NEK9: variants seen among roughly 807,000 people sequenced by gnomAD.
The protein encoded by NEK9 is serine/threonine-protein kinase Nek9.
A neutral mutation model predicts 123.4 loss-of-function variants in NEK9; 75 were observed. The ratio of observed to expected loss-of-function variants is 0.61; its 90% CI spans 0.50 to 0.74. The LOEUF is 0.74. Ranked by LOEUF, NEK9 falls within the 30% of genes least tolerant of loss-of-function variation. NEK9 has a pLI of 0.00. For synonymous variants in NEK9, 438 were observed against 458.7 expected, an observed-to-expected ratio of 0.95 and a Z score of 0.58; for missense variants, 952 against 1,214.4, an observed-to-expected ratio of 0.78 and a Z score of 3.21.
At chr14:75,088,969 T>C (rs1463943346) in intron 19 of NEK9, among the ~76,000 whole-genome samples, 1 of 152,248 alleles carries the variant, frequency 6.6e-6, no homozygotes, top group Non-Finnish European at 1.5e-5. Context: ...TGCTGAAAGC[T>C]GAGGCTAAAG....
chr14:75,112,483 G>A (rs1280417601), intron 8 of NEK9, among the ~76,000 whole-genome samples: 2 of 152,164 alleles, frequency 1.3e-5, no homozygotes, highest in Non-Finnish European at 2.9e-5. Flanking sequence ...TGTACCTGAA[G>A]AGGATTCCTC....
At chr14:75,103,757 T>C in intron 14 of NEK9, 85 bp downstream of exon 14, 1 of 1,422,958 alleles carries the variant, frequency 7.0e-7, no homozygotes, top group Non-Finnish European at 9.5e-7. Context: ...AATTCCATGG[T>C]CACTAACCAA....
At chr14:75,094,259 TTTGA>T (rs1410784661) in intron 18 of NEK9, among the ~76,000 whole-genome samples, 2 of 152,196 alleles carry the variant, frequency 1.3e-5, no homozygotes, top group African/African-American at 4.8e-5. Context: ...GTTTAATCTG[TTTGA>T]TTGACCGATT....
intron 20 of NEK9, 114 bp from the exon 21 acceptor site, chr14:75,087,344 T>C (rs1304962780): frequency 1.4e-6 from 1 of 697,766 alleles, no homozygotes; most frequent in African/African-American, 1.8e-5. Context: ...AGATAAATCA[T>C]ATATACACAT....
intron 18 of NEK9, among the ~76,000 whole-genome samples, chr14:75,091,864 A>T (rs927366171): frequency 2.6e-5 from 4 of 152,220 alleles, no homozygotes; most frequent in African/African-American, 9.7e-5. Context: ...TCCTCCATAG[A>T]CACTTATCTT....
chr14:75,116,705 G>A, intron 6 of NEK9: 1 of 173,210 alleles, frequency 5.8e-6, no homozygotes. Context: ...TTGGCTTACT[G>A]CAGTCTCCAC....
At chr14:75,106,049 G>T in intron 12 of NEK9, 53 bp from the exon 13 acceptor site, 5 of 1,485,966 alleles carry the variant, frequency 3.4e-6, no homozygotes, top group South Asian at 1.1e-5. Flanking sequence ...CCTTCCCAGT[G>T]AATAGGTTCT....
At position 75,097,248 on chromosome 14, in the gene NEK9, G is replaced by A; in HGVS notation, c.2025C>T (p.Gly675=). Reference sequence around the variant, plus strand: ...TTGCCAGGCGGCCATTACCACCATTGCCCCAGGCAAAAATGTGATTATCTA... The same window carrying A: ...TTGCCAGGCGGCCATTACCACCATTACCCCAGGCAAAAATGTGATTATCTA... ...ATDDNHIFAW[G]NGGNGRLAMT... Residue 675 remains glycine, a synonymous_variant, in exon 17 of 22, where the codon GGC becomes GGT. Coordinates refer to ENST00000238616, the MANE Select transcript of NEK9 (RefSeq NM_033116.6). The A allele has an allele frequency of 3.1e-6, 5 of 1,603,034 alleles. No homozygotes were observed. The highest frequency in any genetic ancestry group is 3.4e-6 in the Non-Finnish European group (4 of 1,174,726).
intron 20 of NEK9, among the ~76,000 whole-genome samples, 174 bp from the exon 21 acceptor site, chr14:75,087,404 A>G (rs913807751): frequency 1.3e-5 from 2 of 152,250 alleles, no homozygotes; most frequent in Admixed American, 1.3e-4. Context: ...AGCGATGGGC[A>G]CTGACATAAC....
chr14:75,109,150 G>A (rs1566653171), intron 10 of NEK9, among the ~76,000 whole-genome samples: 1 of 152,204 alleles, frequency 6.6e-6, no homozygotes, highest in Non-Finnish European at 1.5e-5. Context: ...TGAAGAGAGA[G>A]TGGGAGATAA....
intron 21 of NEK9, among the ~76,000 whole-genome samples, chr14:75,086,086 G>A (rs1894014285): frequency 6.6e-6 from 1 of 151,878 alleles, no homozygotes; most frequent in Non-Finnish European, 1.5e-5. Flanking sequence ...CTACTCGGGA[G>A]GCTGAGGCAG....
At position 75,088,364 on chromosome 14, in the gene NEK9, A is replaced by T. The variant is rs1421968263; in HGVS notation, c.2604+116T>A. 4.2e-6 allele frequency: 4 copies of T among 960,092 alleles called. No individual in the cohort carries two copies. In the African/African-American group the frequency reaches 4.9e-5, roughly 12 times the overall value. The allele number at this position is 960,092 out of a possible 1,614,324, so 59.5% of individuals were successfully genotyped here. A position where few individuals can be genotyped will look rare whatever the true frequency, so the allele number is the denominator to read the frequency against. On this transcript the variant is annotated intron_variant, in intron 20 of 21. Coordinates refer to ENST00000238616, the MANE Select transcript of NEK9 (RefSeq NM_033116.6). ...TTAAGTACTGCTGAATAGACAGTATAATGAGTTGATGCAGGGCAGCTGAAA... is the reference window on the plus strand; with the variant it reads ...TTAAGTACTGCTGAATAGACAGTATTATGAGTTGATGCAGGGCAGCTGAAA...
At chr14:75,099,734 A>G (rs1370124619) in intron 16 of NEK9, among the ~76,000 whole-genome samples, 3 of 149,194 alleles carry the variant, frequency 2.0e-5, no homozygotes, top group African/African-American at 4.9e-5. Context: ...GTGAGCTGAG[A>G]TCGCGCCACT....
Position 75,114,320 on chromosome 14 carries a change from GA to G in NEK9, c.763-8del. 2 of 1,601,960 alleles carry G rather than the reference GA, an allele frequency of 1.2e-6. No homozygotes were observed. Among genetic ancestry groups the G allele is most frequent in the Non-Finnish European group, 1.7e-6 (2 of 1,169,010 alleles). Reference sequence around the variant, plus strand: ...CACACAGGTTAAGTGGGTTCTATGAGAAAATGATGACTGCATTGTTCCTGGT... The same window carrying G: ...CACACAGGTTAAGTGGGTTCTATGAGAAATGATGACTGCATTGTTCCTGGT... On this transcript the variant is annotated splice_region_variant and splice_polypyrimidine_tract_variant and intron_variant, in intron 6 of 21. Transcript: ENST00000238616.
chr14:75,100,099 AGGCTGGGC>A (rs967805567), intron 16 of NEK9, among the ~76,000 whole-genome samples: 3 of 121,608 alleles, frequency 2.5e-5, no homozygotes, highest in Non-Finnish European at 4.9e-5. Flanking sequence ...ATTGTACTCT[AGGCTGGGC>A]AATAGAGCAA....
intron 18 of NEK9, 33 bp from the exon 19 acceptor site, chr14:75,091,511 T>C (rs746878642): frequency 3.4e-6 from 5 of 1,490,416 alleles, no homozygotes; most frequent in South Asian, 1.4e-5. Context: ...ATAGACAGCT[T>C]TGCTATGCAG....
chr14:75,094,086 C>T (rs964562851), intron 18 of NEK9, among the ~76,000 whole-genome samples: 7 of 152,090 alleles, frequency 4.6e-5, no homozygotes, highest in Admixed American at 3.9e-4. Context: ...CTGTGCTTAG[C>T]GAAAGATCTT....
intron 14 of NEK9, among the ~76,000 whole-genome samples, chr14:75,103,032 G>A (rs1018679965): frequency 4.6e-5 from 7 of 151,848 alleles, no homozygotes; most frequent in African/African-American, 1.5e-4. Context: ...ATCACACACC[G>A]GGGCCTGTCA....
intron 17 of NEK9, 45 bp downstream of exon 17, chr14:75,097,055 T>G (rs372183824): frequency 4.3e-5 from 66 of 1,545,690 alleles, no homozygotes; most frequent in Non-Finnish European, 5.6e-5. Flanking sequence ...TGTGGGTCCA[T>G]CCTCTGTCAA....
Sources: gnomAD v4.1 joint callset for allele counts (sites outside exome capture counted in the v4.1 genomes callset) on GRCh38, gnomAD v4.1.1 for gene constraint, MANE v1.5 for transcripts, NCBI Gene and HGNC (gene_info 2026-07-23, HGNC 2026-07-21) for gene names.